METTL24: variants seen among roughly 807,000 people sequenced by gnomAD.
The protein encoded by METTL24 is methyltransferase like 24, also known as probable methyltransferase-like protein 24.
A neutral mutation model predicts 32.7 loss-of-function variants in METTL24; 29 were observed. That is an observed-to-expected ratio of 0.89 (90% CI 0.66 to 1.21). The LOEUF (loss-of-function observed/expected upper bound fraction) is 1.21. Ranked by LOEUF, METTL24 falls within the 50% of genes most tolerant of loss-of-function variation. The probability of loss-of-function intolerance (pLI) is 0.00; values close to 1 mark genes in which losing one functional copy is unlikely to be tolerated. For synonymous variants in METTL24, 163 were observed against 179.5 expected, an observed-to-expected ratio of 0.91 and a Z score of 0.73; for missense variants, 439 against 468.1, an observed-to-expected ratio of 0.94 and a Z score of 0.57.
intron 1 of METTL24, among the ~76,000 whole-genome samples, chr6:110,338,665 T>C (rs1433612075): frequency 6.6e-6 from 1 of 152,218 alleles, no homozygotes; most frequent in Admixed American, 6.5e-5. Flanking sequence ...CATTAAAAAT[T>C]AGCATTTGTT....
At chr6:110,250,305 A>G (rs763905368) in intron 4 of METTL24, among the ~76,000 whole-genome samples, 25 of 151,852 alleles carry the variant, frequency 1.6e-4, no homozygotes, top group Non-Finnish European at 3.2e-4. Context: ...GCAATCTTCA[A>G]CATTCCTTGG....
In METTL24 at chr6:110,298,853, G is replaced by T. The variant is rs539853509; in HGVS notation, c.786+69C>A. On this transcript the variant is annotated intron_variant, in intron 4 of 4. Coordinates refer to ENST00000338882, the MANE Select transcript of METTL24 (RefSeq NM_001123364.3). Reference sequence around the variant, plus strand: ...TCCAATGTCAATGTTGCTATTCTTGGTTTGCATTTTAAAAAGCTGATGGGT... The same window carrying T: ...TCCAATGTCAATGTTGCTATTCTTGTTTTGCATTTTAAAAAGCTGATGGGT... 8.8e-6 allele frequency: 12 copies of T among 1,368,246 alleles called. No individual in the cohort carries two copies. The African/African-American group carries it at 1.4e-4, about 16-fold the overall frequency. The allele number at this position is 1,368,246 out of a possible 1,614,324, so 84.8% of individuals were successfully genotyped here. A position where few individuals can be genotyped will look rare whatever the true frequency, so the allele number is the denominator to read the frequency against.
intron 2 of METTL24, among the ~76,000 whole-genome samples, chr6:110,318,498 A>T (rs145483529): frequency 3.3e-5 from 5 of 151,970 alleles, no homozygotes; most frequent in African/African-American, 1.2e-4. Context: ...AAAAAAACAT[A>T]CAAAAGTTAG....
chr6:110,266,644 G>A (rs1263558086), intron 4 of METTL24, among the ~76,000 whole-genome samples: 1 of 151,998 alleles, frequency 6.6e-6, no homozygotes, highest in African/African-American at 2.4e-5. Flanking sequence ...TAGCAAAACT[G>A]GGCTGCAAAA....
intron 1 of METTL24, among the ~76,000 whole-genome samples, chr6:110,352,436 C>T (rs1342127324): frequency 6.6e-6 from 1 of 152,240 alleles, no homozygotes; most frequent in Non-Finnish European, 1.5e-5. Context: ...AAATAAAATT[C>T]GTGGGCCAAA....
At chr6:110,278,675 T>C (rs117452795) in intron 4 of METTL24, among the ~76,000 whole-genome samples, 1 of 152,212 alleles carries the variant, frequency 6.6e-6, no homozygotes, top group African/African-American at 2.4e-5. Flanking sequence ...CCAGATCAAT[T>C]ATAAGGGAGT....
rs746873460 is a variant in METTL24, at chr6:110,315,391, T to G, written c.508A>C (p.Asn170His). 6.2e-7 allele frequency: 1 copy of G among 1,614,178 alleles called. No homozygotes were observed. Among genetic ancestry groups the G allele is most frequent in the Admixed American group, 1.7e-5 (1 of 60,018 alleles). Residue 170 changes from asparagine (N) to histidine (H), a missense_variant, in exon 3 of 5, where the codon AAT becomes CAT. Physicochemically the swap from Asn to His is moderately conservative, Grantham distance 68. Coordinates refer to ENST00000338882, the MANE Select transcript of METTL24 (RefSeq NM_001123364.3). ...TTGTTGCGGATTTGATGAGCTAAAT[T>G]GAACCTGTCGTCAAGACACACTGAC... is the stretch of plus-strand genomic sequence containing the variant. ...PWSVCLDDRF[N>H]LAHQIRNKQC...
chr6:110,336,205 T>C (rs2114766705), intron 1 of METTL24, among the ~76,000 whole-genome samples: 1 of 152,278 alleles, frequency 6.6e-6, no homozygotes, highest in South Asian at 2.1e-4. Flanking sequence ...TTCTGATGAG[T>C]GGCAGTGGTA....
intron 4 of METTL24, among the ~76,000 whole-genome samples, chr6:110,267,416 G>A (rs149093406): frequency 2.6e-5 from 4 of 152,260 alleles, no homozygotes; most frequent in East Asian, 1.9e-4. Context: ...TCACTCATAC[G>A]ATAACCAAAC....
chr6:110,305,731 G>A (rs924804613), intron 3 of METTL24, among the ~76,000 whole-genome samples: 1 of 152,032 alleles, frequency 6.6e-6, no homozygotes, highest in Non-Finnish European at 1.5e-5. Flanking sequence ...GTTGGTGGGA[G>A]TGTAAATTAG....
At chr6:110,283,713 A>G (rs1771175187) in intron 4 of METTL24, among the ~76,000 whole-genome samples, 1 of 152,220 alleles carries the variant, frequency 6.6e-6, no homozygotes, top group African/African-American at 2.4e-5. Flanking sequence ...ACATCTTAAA[A>G]GACTTGTTTA....
At chr6:110,319,384 T>C (rs1771887562) in intron 2 of METTL24, among the ~76,000 whole-genome samples, 1 of 151,454 alleles carries the variant, frequency 6.6e-6, no homozygotes, top group Admixed American at 6.6e-5. Context: ...TTCTTACAAA[T>C]TGATAGATGG....
chr6:110,302,475 A>G (rs1771535812), intron 3 of METTL24, among the ~76,000 whole-genome samples: 1 of 97,002 alleles, frequency 1.0e-5, no homozygotes, highest in Non-Finnish European at 2.0e-5. Context: ...GTGTATATAT[A>G]CACATATACA....
intron 1 of METTL24, 45 bp downstream of exon 1, chr6:110,357,910 G>C: frequency 8.9e-7 from 1 of 1,126,560 alleles, no homozygotes; most frequent in Non-Finnish European, 1.1e-6. Context: ...CGGTCGGGAG[G>C]GGGCTTCTGG....
At chr6:110,298,856 T>G in intron 4 of METTL24, 66 bp downstream of exon 4, 1 of 1,405,398 alleles carries the variant, frequency 7.1e-7, no homozygotes, top group Non-Finnish European at 9.9e-7. Context: ...ATTCTTGGTT[T>G]GCATTTTAAA....
intron 1 of METTL24, among the ~76,000 whole-genome samples, chr6:110,343,830 T>G (rs968288992): frequency 6.6e-6 from 1 of 152,168 alleles, no homozygotes; most frequent in East Asian, 1.9e-4. Flanking sequence ...CCTGTGTTGG[T>G]GTCAGTCTGG....
rs545064345 is a variant in METTL24, at chr6:110,300,418, C to G, written c.558-1268G>C. 2.8e-5 allele frequency among the ~76,000 whole-genome samples: 4 copies of G among 142,730 alleles called. No homozygotes were observed. In the South Asian group the frequency reaches 8.8e-4, roughly 32 times the overall value. 93.6% of individuals were successfully genotyped at this position (142,730 alleles called of 152,430 possible). On this transcript the variant is annotated intron_variant, in intron 3 of 4. Coordinates refer to ENST00000338882, the MANE Select transcript of METTL24 (RefSeq NM_001123364.3). ...TCAGTTCAGAGATCATCCACCGAGA[C>G]ATGCTTTTTTTTTTTTTTTTTAGAT...
At chr6:110,253,946 G>A (rs1778332567) in intron 4 of METTL24, 3 of 1,451,094 alleles carry the variant, frequency 2.1e-6, no homozygotes, top group Admixed American at 2.3e-5. Flanking sequence ...GGGGTGAGGA[G>A]GATGGCAAGT....
Position 110,325,448 on chromosome 6 carries a change from T to C in METTL24, c.319-2576A>G, listed in dbSNP as rs113033071. The stretch of plus-strand genomic sequence containing the variant: ...TTACACAAACAGGCAGCAGGCTGGA[T>C]TGGGCCTGCAAGCTGTAGTTTGCTG... On this transcript the variant is annotated intron_variant, in intron 1 of 4. Coordinates refer to ENST00000338882, the MANE Select transcript of METTL24 (RefSeq NM_001123364.3). 7.5e-3 allele frequency among the ~76,000 whole-genome samples: 1,139 copies of C among 152,320 alleles called. 18 individuals are homozygous for C. Among genetic ancestry groups the C allele is most frequent in the African/African-American group, 0.024 (1,001 of 41,574 alleles).
Sources: gnomAD v4.1 joint callset for allele counts (sites outside exome capture counted in the v4.1 genomes callset) on GRCh38, gnomAD v4.1.1 for gene constraint, MANE v1.5 for transcripts, NCBI Gene and HGNC (gene_info 2026-07-23, HGNC 2026-07-21) for gene names.